Variants in GNL2 observed in about 807,000 individuals in gnomAD.
GNL2 encodes G protein nucleolar 2, also known as nucleolar GTP-binding protein 2.
GNL2 carries 51 observed loss-of-function variants against 92.3 expected under a neutral mutation model. The observed-to-expected ratio is 0.55, with a 90% CI of 0.44 to 0.70. The LOEUF (loss-of-function observed/expected upper bound fraction) is 0.70. Ranked by LOEUF, GNL2 falls within the 30% of genes least tolerant of loss-of-function variation. The pLI is 0.00. For missense variants in GNL2, 844 were observed against 895.6 expected (o/e 0.94, Z 0.74); for synonymous variants, 283 against 300.6 (o/e 0.94, Z 0.61).
At position 37,575,095 on chromosome 1, in the gene GNL2, C is replaced by CA. The variant is rs1409929278; in HGVS notation, c.1144-273dup. Among the ~76,000 whole-genome samples, 2 of 152,188 alleles carry CA rather than the reference C, an allele frequency of 1.3e-5. No homozygotes were observed. Among genetic ancestry groups the CA allele is most frequent in the Non-Finnish European group, 2.9e-5 (2 of 68,038 alleles). ...GCCACAGTTTAAACTTGGAATGCTTCATGTTACTCACTTGCAGAAATGGTT... is the reference window on the plus strand; with the variant it reads ...GCCACAGTTTAAACTTGGAATGCTTCAATGTTACTCACTTGCAGAAATGGTT... On this transcript the variant is annotated intron_variant, in intron 10 of 15. Transcript: ENST00000373062. The surrounding 1 kb of genome is among the most constrained non-coding windows in gnomAD (Gnocchi z 4.1).
chr1:37,571,453 T>C (rs778048305), intron 12 of GNL2, among the ~76,000 whole-genome samples: 11 of 152,194 alleles, frequency 7.2e-5, no homozygotes, highest in Non-Finnish European at 1.6e-4. Context: ...GATCCCTAAT[T>C]CCAGCAACCA....
chr1:37,579,317 G>C (rs1200643103), intron 8 of GNL2, among the ~76,000 whole-genome samples: 2 of 150,854 alleles, frequency 1.3e-5, no homozygotes, highest in South Asian at 2.1e-4. Flanking sequence ...GGAGGCCGAG[G>C]GGGGCGGATC....
At chr1:37,585,960 C>T (rs770917455) in intron 5 of GNL2, among the ~76,000 whole-genome samples, 4 of 152,098 alleles carry the variant, frequency 2.6e-5, no homozygotes, top group Non-Finnish European at 5.9e-5. Context: ...AGCATGCATA[C>T]CTTTTGATAT....
At chr1:37,578,429 ACT>A (rs1469463423) in intron 8 of GNL2, among the ~76,000 whole-genome samples, 1 of 147,922 alleles carries the variant, frequency 6.8e-6, no homozygotes, top group South Asian at 2.1e-4. Context: ...ATAGAGCAAG[ACT>A]CTGTCTCAAA....
rs751106987 is a variant in GNL2 at position 37,582,321 on chromosome 1, C to G, written c.811G>C (p.Val271Leu). ...AGTGTTGGATAATCCTGGGAGAGGA[C>G]AGCAACCCACCGTTTCTAGAAGGAG... ...PTWATKRWVAVLSQDYPTLAF... is the reference protein window; with the variant it reads ...PTWATKRWVALLSQDYPTLAF... The change falls in exon 8 of 16, where the codon GTC (valine) becomes CTC (leucine). Residue 271 changes from valine to leucine, a missense_variant. Val to Leu is a conservative substitution (Grantham distance 32, BLOSUM62 1). Coordinates refer to ENST00000373062, the MANE Select transcript of GNL2 (RefSeq NM_013285.3). 5.6e-6 allele frequency: 9 copies of G among 1,608,612 alleles called. No individual in the cohort carries two copies. Among genetic ancestry groups the G allele is most frequent in the Non-Finnish European group, 5.1e-6 (6 of 1,177,198 alleles).
At chr1:37,590,198 C>T (rs906991116) in intron 4 of GNL2, among the ~76,000 whole-genome samples, 6 of 152,174 alleles carry the variant, frequency 3.9e-5, no homozygotes, top group Non-Finnish European at 7.3e-5. Flanking sequence ...TCTCTGCCTC[C>T]CAGGTTCAAG....
chr1:37,574,444 C>T lies in GNL2; in HGVS notation c.1315G>A (p.Asp439Asn), dbSNP rs373181030. Residue 439 changes from aspartate to asparagine, a missense_variant, in exon 12 of 16, where the codon GAC becomes AAC. Transcript: ENST00000373062. ...ACCATCTTACCCACAGTCTGCAAGT[C>T]GGGCTCTCCACCCTGAAAGGTCACA... ...TGKLLKGGEP[D>N]LQTVGKMVLN... 2.9e-5 allele frequency: 47 copies of T among 1,613,510 alleles called. No individual in the cohort carries two copies. The African/African-American group carries it at 5.1e-4, about 17-fold the overall frequency.
At chr1:37,586,376 AACTAGT>A (rs1181200093) in intron 5 of GNL2, among the ~76,000 whole-genome samples, 1 of 152,042 alleles carries the variant, frequency 6.6e-6, no homozygotes, top group Non-Finnish European at 1.5e-5. Context: ...CCTCCCAAAA[AACTAGT>A]ATTACAGGTA....
chr1:37,589,945 G>T (rs1365672089), intron 4 of GNL2, among the ~76,000 whole-genome samples: 1 of 152,136 alleles, frequency 6.6e-6, no homozygotes, highest in African/African-American at 2.4e-5. Context: ...AAAGTTTGAT[G>T]GAATTACCAC....
Position 37,587,334 on chromosome 1 carries a change from C to T in GNL2, c.546G>A (p.Leu182=). 1 of 1,600,924 alleles carries T rather than the reference C, an allele frequency of 6.2e-7. No individual in the cohort carries two copies. Among genetic ancestry groups the T allele is most frequent in the Non-Finnish European group, 8.5e-7 (1 of 1,173,458 alleles). The part of the protein sequence containing the change: ...ESYDQGKDRD[L]VTEDTGVRNE... ...ACCTCACACCAGTGTCTTCAGTTAC[C>T]AAATCACGATCCTTGCCCTGGTCAT... Residue 182 remains leucine (L), a synonymous_variant, in exon 5 of 16, where the codon TTG becomes TTA. Coordinates refer to ENST00000373062, the MANE Select transcript of GNL2 (RefSeq NM_013285.3).
chr1:37,576,604 C>A, intron 8 of GNL2, 48 bp from the exon 9 acceptor site: 1 of 1,576,776 alleles, frequency 6.3e-7, no homozygotes. Context: ...CATATATATC[C>A]CTTTGGACAA....
chr1:37,585,388 A>AAGG (rs1643836114), intron 5 of GNL2, among the ~76,000 whole-genome samples: 1 of 152,112 alleles, frequency 6.6e-6, no homozygotes, highest in African/African-American at 2.4e-5. Context: ...TTTTACCACA[A>AAGG]TAAAACATTA....
rs1342103550 is a variant in GNL2, at chr1:37,567,620, A to G, written c.2043+53T>C. ...CCATTTGTTTCAGTGGGTCTTGACA[A>G]CTGGAGTTCTAGTTACTCTACTTGG... On this transcript the variant is annotated intron_variant, in intron 15 of 15. Transcript: ENST00000373062. The G allele has an allele frequency of 3.4e-6, 4 of 1,185,140 alleles. No individual in the cohort carries two copies. The African/African-American group carries it at 4.5e-5, about 13-fold the overall frequency. The allele number at this position is 1,185,140 out of a possible 1,614,324, so 73.4% of individuals were successfully genotyped here.
At chr1:37,579,074 T>C (rs1214946374) in intron 8 of GNL2, among the ~76,000 whole-genome samples, 3 of 151,836 alleles carry the variant, frequency 2.0e-5, no homozygotes, top group Non-Finnish European at 4.4e-5. Context: ...CCACAAAAAT[T>C]TGGAGGTAAC....
In GNL2 at chr1:37,582,902, A is replaced by G; in HGVS notation, c.671T>C (p.Leu224Pro). The change falls in exon 7 of 16, where the codon CTT (leucine) becomes CCT (proline). Residue 224 changes from leucine to proline, a missense_variant. By Grantham distance (98) the Leu-to-Pro change is moderately conservative (BLOSUM62 -3). Coordinates refer to ENST00000373062, the MANE Select transcript of GNL2 (RefSeq NM_013285.3). Reference sequence around the variant, plus strand: ...AGTACCCATTGGATCTCTAGCATCAAGAACTTGAACTACAACATCTGATGA... The same window carrying G: ...AGTACCCATTGGATCTCTAGCATCAGGAACTTGAACTACAACATCTGATGA... Reference protein sequence around the residue: ...IDSSDVVVQVLDARDPMGTRS... With the variant: ...IDSSDVVVQVPDARDPMGTRS... 1 of 1,613,360 alleles carries G rather than the reference A, an allele frequency of 6.2e-7. No homozygotes were observed. The highest frequency in any genetic ancestry group is 8.5e-7 in the Non-Finnish European group (1 of 1,179,446).
At chr1:37,582,364 T>C (rs1400646199) in intron 7 of GNL2, 28 bp from the exon 8 acceptor site, 2 of 1,318,154 alleles carry the variant, frequency 1.5e-6, no homozygotes, top group East Asian at 2.3e-5. Flanking sequence ...AACATTTTGG[T>C]AAACTGCAGT....
At chr1:37,582,049 C>G (rs1490829420) in intron 8 of GNL2, among the ~76,000 whole-genome samples, 174 bp downstream of exon 8, 1 of 152,224 alleles carries the variant, frequency 6.6e-6, no homozygotes, top group Non-Finnish European at 1.5e-5. Flanking sequence ...TAGCCTTGAT[C>G]TCCTGGGCTC....
At chr1:37,578,063 A>C (rs1643706045) in intron 8 of GNL2, among the ~76,000 whole-genome samples, 1 of 152,178 alleles carries the variant, frequency 6.6e-6, no homozygotes, top group Admixed American at 6.5e-5. Flanking sequence ...AGAGATTGAA[A>C]GATTCTCTTC....
chr1:37,579,373 C>T (rs1352930150), intron 8 of GNL2, among the ~76,000 whole-genome samples: 1 of 151,976 alleles, frequency 6.6e-6, no homozygotes, highest in African/African-American at 2.4e-5. Context: ...CACGGAGAAG[C>T]CCCGTCTCTA....
Sources: gnomAD v4.1 joint callset for allele counts (sites outside exome capture counted in the v4.1 genomes callset) on GRCh38, gnomAD v4.1.1 for gene constraint, Gnocchi (gnomAD v3.1) non-coding constraint, MANE v1.5 for transcripts, NCBI Gene and HGNC (gene_info 2026-07-23, HGNC 2026-07-21) for gene names.